DLG2: variants seen among roughly 807,000 people sequenced by gnomAD.
DLG2 encodes disks large homolog 2.
A neutral mutation model predicts 132.5 loss-of-function variants in DLG2; 45 were observed. The observed-to-expected ratio is 0.34, with a 90% CI of 0.27 to 0.44. DLG2 has a LOEUF of 0.44. Among genes scored for constraint, DLG2 ranks in the 20% least tolerant of loss-of-function variants. DLG2 has a pLI of 1.00. For synonymous variants in DLG2, 424 were observed against 419.6 expected (o/e 1.01, Z -0.13); for missense variants, 1,045 against 1,196.9 (o/e 0.87, Z 1.87).
intron 4 of DLG2, among the ~76,000 whole-genome samples, chr11:85,213,270 A>C (rs981155820): frequency 6.6e-6 from 1 of 152,164 alleles, no homozygotes; most frequent in Non-Finnish European, 1.5e-5. Context: ...CAGGAGATAC[A>C]GAGAACATGT....
rs575736102 is a variant in DLG2, at chr11:85,419,728, T to C, written c.41-134363A>G. 8.5e-5 allele frequency among the ~76,000 whole-genome samples: 13 copies of C among 152,332 alleles called. 1 individual carries two copies. The South Asian group carries it at 2.3e-3, about 27-fold the overall frequency. On this transcript the variant is annotated intron_variant, in intron 3 of 27. Coordinates refer to ENST00000376104, the MANE Select transcript of DLG2 (RefSeq NM_001142699.3). ...CTCTTCCACTTGATCAACTCGGCTA[T>C]TGATACTTGCATATGCTTCACAAAG...
At chr11:85,353,015 C>T (rs1277831972) in intron 3 of DLG2, among the ~76,000 whole-genome samples, 1 of 152,126 alleles carries the variant, frequency 6.6e-6, no homozygotes, top group Non-Finnish European at 1.5e-5. Context: ...AGAGCTTCTG[C>T]ACAGCAAAAG....
intron 6 of DLG2, among the ~76,000 whole-genome samples, chr11:84,539,046 C>T (rs1258249484): frequency 6.6e-6 from 1 of 152,022 alleles, no homozygotes; most frequent in Admixed American, 6.6e-5. Context: ...AACATTAATG[C>T]TAATCCTAAC....
intron 5 of DLG2, among the ~76,000 whole-genome samples, chr11:85,137,608 G>C (rs181879460): frequency 6.6e-5 from 10 of 152,234 alleles, no homozygotes; most frequent in Admixed American, 5.9e-4. Context: ...TAAAAAGATA[G>C]GTTCATCTCT....
chr11:85,536,857 A>T (rs1015434716), intron 3 of DLG2, among the ~76,000 whole-genome samples: 1 of 152,042 alleles, frequency 6.6e-6, no homozygotes, highest in Non-Finnish European at 1.5e-5. Context: ...ATTGTCTGGG[A>T]CGAGCTCCCT....
At chr11:83,821,314 G>A (rs1403425660) in intron 17 of DLG2, among the ~76,000 whole-genome samples, 6 of 152,200 alleles carry the variant, frequency 3.9e-5, no homozygotes, top group African/African-American at 1.2e-4. Flanking sequence ...TATGTCAGCT[G>A]TTGAGAGCGG....
intron 18 of DLG2, among the ~76,000 whole-genome samples, chr11:83,684,024 T>C (rs914693409): frequency 1.3e-5 from 2 of 152,118 alleles, no homozygotes; most frequent in African/African-American, 4.8e-5. Context: ...TGTGAGACCA[T>C]CTTGGCTTCT....
chr11:84,128,407 T>C (rs1191366400), intron 9 of DLG2, among the ~76,000 whole-genome samples: 3 of 152,182 alleles, frequency 2.0e-5, no homozygotes, highest in African/African-American at 4.8e-5. Flanking sequence ...TTTTATATTA[T>C]TGATCTCTCA....
At chr11:84,181,833 A>C (rs1447019407) in intron 8 of DLG2, among the ~76,000 whole-genome samples, 3 of 152,222 alleles carry the variant, frequency 2.0e-5, no homozygotes, top group Non-Finnish European at 2.9e-5. Flanking sequence ...AAGATGTAAC[A>C]ACCCTTAATA....
At chr11:84,725,460 T>C (rs1021746946) in intron 6 of DLG2, among the ~76,000 whole-genome samples, 1 of 152,158 alleles carries the variant, frequency 6.6e-6, no homozygotes, top group Non-Finnish European at 1.5e-5. Flanking sequence ...GTAGAGATGT[T>C]TTCATGTAAG....
At chr11:85,095,987 T>C (rs1345652872) in intron 6 of DLG2, among the ~76,000 whole-genome samples, 2 of 152,214 alleles carry the variant, frequency 1.3e-5, no homozygotes, top group African/African-American at 4.8e-5. Flanking sequence ...TAAAGGATTG[T>C]AAATGCACCA....
chr11:83,984,231 T>C (rs992871079), intron 11 of DLG2, among the ~76,000 whole-genome samples: 3 of 119,918 alleles, frequency 2.5e-5, no homozygotes, highest in African/African-American at 8.8e-5. Context: ...GATAGATAGA[T>C]AGATAAAAAT....
At chr11:84,545,005 A>G in intron 6 of DLG2, 10 of 418,710 alleles carry the variant, frequency 2.4e-5, no homozygotes, top group South Asian at 1.6e-4. Flanking sequence ...ATTGTCTAAA[A>G]CATGTTTTCT....
chr11:83,708,968 A>G lies in DLG2; in HGVS notation c.1826-75643T>C, dbSNP rs564455768. 2.6e-4 allele frequency among the ~76,000 whole-genome samples: 40 copies of G among 152,254 alleles called. No homozygotes were observed. In the South Asian group the frequency reaches 7.1e-3, roughly 27 times the overall value. ...AAATCTGTTTTTCATAGTCTCTAGT[A>G]TGAGGCTGCTGGTGCCCATTTCCCT... On this transcript the variant is annotated intron_variant, in intron 18 of 27. Transcript: ENST00000376104.
At chr11:84,328,359 T>C (rs1264239303) in intron 7 of DLG2, among the ~76,000 whole-genome samples, 1 of 151,984 alleles carries the variant, frequency 6.6e-6, no homozygotes, top group African/African-American at 2.4e-5. Flanking sequence ...GGTCACAAAC[T>C]GAGGAAATAC....
chr11:84,466,095 T>A (rs540639664), intron 7 of DLG2, among the ~76,000 whole-genome samples: 82 of 151,300 alleles, frequency 5.4e-4, no homozygotes, highest in African/African-American at 1.9e-3. Flanking sequence ...AAGGAATTTT[T>A]AAATAAATAA....
intron 8 of DLG2, among the ~76,000 whole-genome samples, chr11:84,235,626 A>G (rs1264700310): frequency 6.6e-6 from 1 of 152,196 alleles, no homozygotes; most frequent in African/African-American, 2.4e-5. Context: ...ACAATCTCGA[A>G]CAATGTGTTT....
At chr11:83,906,281 A>T (rs867299616) in intron 15 of DLG2, among the ~76,000 whole-genome samples, 16,232 of 122,282 alleles carry the variant, frequency 0.13, 1,869 homozygotes, top group South Asian at 0.18. Flanking sequence ...ACACACACAC[A>T]CACACACACA....
chr11:83,833,862 C>T lies in DLG2; in HGVS notation c.1566-92G>A, dbSNP rs1306650886. On this transcript the variant is annotated intron_variant, in intron 16 of 27. Coordinates refer to ENST00000376104, the MANE Select transcript of DLG2 (RefSeq NM_001142699.3). Reference sequence around the variant, plus strand: ...TCAATGGGATATATGATATCAGCAACTCACTACTTGTAAAATTGTTTCTCA... The same window carrying T: ...TCAATGGGATATATGATATCAGCAATTCACTACTTGTAAAATTGTTTCTCA... 3.9e-6 allele frequency: 5 copies of T among 1,289,216 alleles called. No individual in the cohort carries two copies. The South Asian group carries it at 5.1e-5, about 13-fold the overall frequency. 79.9% of individuals were successfully genotyped at this position (1,289,216 alleles called of 1,614,324 possible). A position where few individuals can be genotyped will look rare whatever the true frequency, so the allele number is the denominator to read the frequency against.
Sources: gnomAD v4.1 joint callset for allele counts (sites outside exome capture counted in the v4.1 genomes callset) on GRCh38, gnomAD v4.1.1 for gene constraint, MANE v1.5 for transcripts, NCBI Gene and HGNC (gene_info 2026-07-23, HGNC 2026-07-21) for gene names.